The following NDST3 variants were observed in gnomAD, a reference collection of about 807,000 sequenced individuals.
NDST3 encodes N-deacetylase and N-sulfotransferase 3, also known as bifunctional heparan sulfate N-deacetylase/N-sulfotransferase 3.
Under a neutral mutation model 96.1 loss-of-function variants are expected in NDST3, and 58 were observed. The ratio of observed to expected loss-of-function variants is 0.60; its 90% CI spans 0.49 to 0.75. The LOEUF is 0.75. Ranked by LOEUF, NDST3 falls within the 30% of genes least tolerant of loss-of-function variation. The pLI, the probability that NDST3 is intolerant of heterozygous loss-of-function variation, is 0.00. For synonymous variants in NDST3, 333 were observed against 359.7 expected, an observed-to-expected ratio of 0.93 and a Z score of 0.84; for missense variants, 788 against 1,034.2, an observed-to-expected ratio of 0.76 and a Z score of 3.27.
At chr4:118,160,769 G>A (rs959565237) in intron 6 of NDST3, among the ~76,000 whole-genome samples, 7 of 152,022 alleles carry the variant, frequency 4.6e-5, no homozygotes, top group Non-Finnish European at 7.4e-5. Flanking sequence ...TTATACATTC[G>A]TCTAAATTTT....
intron 2 of NDST3, among the ~76,000 whole-genome samples, chr4:118,100,323 CCCA>C (rs995971218): frequency 6.6e-6 from 1 of 151,882 alleles, no homozygotes; most frequent in Non-Finnish European, 1.5e-5. Context: ...TATACCATCA[CCCA>C]CCACCACCAC....
intron 6 of NDST3, among the ~76,000 whole-genome samples, chr4:118,150,104 G>A (rs1052440343): frequency 2.0e-5 from 3 of 151,840 alleles, no homozygotes; most frequent in African/African-American, 7.3e-5. Flanking sequence ...CAGGGATGAA[G>A]CCCACTTGAT....
intron 6 of NDST3, among the ~76,000 whole-genome samples, chr4:118,195,088 T>C (rs1464833109): frequency 2.6e-5 from 4 of 152,224 alleles, no homozygotes; most frequent in African/African-American, 7.2e-5. Context: ...GTAGATTGCT[T>C]TGGGTGATAT....
intron 8 of NDST3, among the ~76,000 whole-genome samples, chr4:118,228,911 C>A (rs752281570): frequency 1.3e-5 from 2 of 152,116 alleles, no homozygotes; most frequent in East Asian, 1.9e-4. Flanking sequence ...CTGTATATAT[C>A]CATATTTTGT....
chr4:118,054,348 T>C lies in NDST3; in HGVS notation c.438T>C (p.Asn146=), dbSNP rs1230737832. The part of the protein sequence containing the change: ...ILKYINMDSW[N]RSLLDKYCVE... ...AGTATATAAATATGGATTCCTGGAA[T>C]CGAAGCCTTCTAGATAAATACTGTG... Residue 146 remains asparagine, a synonymous_variant, in exon 2 of 14, where the codon AAT becomes AAC. Transcript: ENST00000296499. 6.2e-7 allele frequency: 1 copy of C among 1,612,462 alleles called. No individual in the cohort carries two copies. The highest frequency in any genetic ancestry group is 2.2e-5 in the East Asian group (1 of 44,790).
intron 6 of NDST3, among the ~76,000 whole-genome samples, chr4:118,220,786 A>G (rs1490557844): frequency 1.3e-5 from 2 of 152,010 alleles, no homozygotes; most frequent in Non-Finnish European, 2.9e-5. Flanking sequence ...TTTTGTACTA[A>G]GGACAACTCT....
At position 118,169,353 on chromosome 4, in the gene NDST3, C is replaced by T. The variant is rs566805683; in HGVS notation, c.1539+25669C>T. On this transcript the variant is annotated intron_variant, in intron 6 of 13. Coordinates refer to ENST00000296499, the MANE Select transcript of NDST3 (RefSeq NM_004784.3). ...TAATAATGTAATGTAATTTATAAGC[C>T]TAAGCTTTCATTGGATCTGGAATTT... 2.5e-3 allele frequency among the ~76,000 whole-genome samples: 387 copies of T among 152,056 alleles called. 1 individual carries two copies. Among genetic ancestry groups the T allele is most frequent in the African/African-American group, 8.6e-3 (357 of 41,518 alleles).
At chr4:118,233,171 T>C (rs776570591) in intron 9 of NDST3, 36 bp downstream of exon 9, 18 of 1,577,688 alleles carry the variant, frequency 1.1e-5, no homozygotes, top group Non-Finnish European at 1.5e-5. Flanking sequence ...TAAAAGTATA[T>C]GTACTGTGCA....
chr4:118,091,148 A>T (rs1728835513), intron 2 of NDST3, among the ~76,000 whole-genome samples: 1 of 151,698 alleles, frequency 6.6e-6, no homozygotes. Context: ...TTGAGGGTGA[A>T]GAGTGGGAGT....
At position 118,124,048 on chromosome 4, in the gene NDST3, T is replaced by A. The variant is rs374306513; in HGVS notation, c.1224+9088T>A. ...TTAGCTGCTAACTTGGGATAATACT[T>A]AAAGAGGAATATGTGGTGTTAAGAA... On this transcript the variant is annotated intron_variant, in intron 4 of 13. Coordinates refer to ENST00000296499, the MANE Select transcript of NDST3 (RefSeq NM_004784.3). 5.3e-5 allele frequency among the ~76,000 whole-genome samples: 8 copies of A among 152,278 alleles called. No homozygotes were observed. The East Asian group carries it at 1.3e-3, about 26-fold the overall frequency.
chr4:118,227,694 C>T (rs112038946), intron 8 of NDST3, among the ~76,000 whole-genome samples: 2 of 148,134 alleles, frequency 1.4e-5, no homozygotes, highest in Admixed American at 6.8e-5. Context: ...TCACTGCAAA[C>T]TCCGCCTCCC....
intron 10 of NDST3, among the ~76,000 whole-genome samples, chr4:118,238,155 AAAAGAAAGAAAGAAAGAAAGAAAG>A (rs552263074): frequency 0.024 from 2,228 of 91,226 alleles, 52 homozygotes; most frequent in Middle Eastern, 0.036. Flanking sequence ...GAAAAGAAAG[AAAAGAAAGAAAGAAAGAAAGAAAG>A]AAAGAAAGAA....
At chr4:118,102,417 A>G (rs902686785) in intron 2 of NDST3, among the ~76,000 whole-genome samples, 4 of 152,052 alleles carry the variant, frequency 2.6e-5, no homozygotes, top group African/African-American at 9.7e-5. Flanking sequence ...CCCAGAATAC[A>G]TGTGGTTTTC....
chr4:118,163,194 A>G (rs13113193), intron 6 of NDST3, among the ~76,000 whole-genome samples: 10,692 of 151,908 alleles, frequency 0.07, 827 homozygotes, highest in African/African-American at 0.19. Flanking sequence ...TCAATGTGGC[A>G]ATTCCTCAGG....
chr4:118,127,052 T>C (rs1036397013), intron 4 of NDST3, among the ~76,000 whole-genome samples: 1 of 151,780 alleles, frequency 6.6e-6, no homozygotes, highest in Non-Finnish European at 1.5e-5. Flanking sequence ...CGAGATTTTT[T>C]ACTATAGAGT....
At chr4:118,251,929 G>A (rs1259409982) in intron 12 of NDST3, among the ~76,000 whole-genome samples, 2 of 152,022 alleles carry the variant, frequency 1.3e-5, no homozygotes, top group African/African-American at 2.4e-5. Flanking sequence ...TATGAGCATG[G>A]TATAGCTCCC....
At chr4:118,190,227 T>C (rs1170973388) in intron 6 of NDST3, among the ~76,000 whole-genome samples, 2 of 152,086 alleles carry the variant, frequency 1.3e-5, no homozygotes, top group African/African-American at 2.4e-5. Context: ...TTTATATCAG[T>C]ATTTACAAAT....
At chr4:118,125,073 C>T (rs1243138762) in intron 4 of NDST3, among the ~76,000 whole-genome samples, 1 of 152,032 alleles carries the variant, frequency 6.6e-6, no homozygotes. Context: ...CAACTCCTCT[C>T]GCCTACCCTA....
chr4:118,187,503 C>G (rs1393273238), intron 6 of NDST3, among the ~76,000 whole-genome samples: 1 of 152,162 alleles, frequency 6.6e-6, no homozygotes, highest in African/African-American at 2.4e-5. Flanking sequence ...TATGAAGGAA[C>G]AAGGCTAACA....
Sources: gnomAD v4.1 joint callset for allele counts (sites outside exome capture counted in the v4.1 genomes callset) on GRCh38, gnomAD v4.1.1 for gene constraint, MANE v1.5 for transcripts, NCBI Gene and HGNC (gene_info 2026-07-23, HGNC 2026-07-21) for gene names.